CDH20: variants seen among roughly 807,000 people sequenced by gnomAD.
The protein encoded by CDH20 is cadherin-20.
Under a neutral mutation model 74.2 loss-of-function variants are expected in CDH20, and 29 were observed. The ratio of observed to expected loss-of-function variants is 0.39; its 90% CI spans 0.29 to 0.53. The LOEUF (loss-of-function observed/expected upper bound fraction) is 0.53, where lower values mean the gene tolerates loss of function less well. Among genes scored for constraint, CDH20 ranks in the 20% least tolerant of loss-of-function variants. CDH20 has a pLI of 0.69. For missense variants in CDH20, 988 were observed against 1,048.3 expected, an observed-to-expected ratio of 0.94 and a Z score of 0.79; for synonymous variants, 469 against 405.4, an observed-to-expected ratio of 1.16 and a Z score of -1.88.
intron 1 of CDH20, among the ~76,000 whole-genome samples, chr18:61,478,789 TAAG>T (rs889496726): frequency 6.6e-6 from 1 of 152,074 alleles, no homozygotes; most frequent in African/African-American, 2.4e-5. Context: ...ACGGGGGAAG[TAAG>T]AAGACAGCTG....
intron 1 of CDH20, among the ~76,000 whole-genome samples, chr18:61,402,795 T>C (rs1377485817): frequency 6.6e-6 from 1 of 152,212 alleles, no homozygotes; most frequent in Non-Finnish European, 1.5e-5. Flanking sequence ...TATTTTATGT[T>C]TCAATATTGA....
At chr18:61,366,166 C>A (rs72991806) in intron 1 of CDH20, among the ~76,000 whole-genome samples, 1 of 152,118 alleles carries the variant, frequency 6.6e-6, no homozygotes, top group Non-Finnish European at 1.5e-5. Context: ...CTCCTAAATT[C>A]TCTTATCCTA....
intron 1 of CDH20, among the ~76,000 whole-genome samples, chr18:61,478,354 C>T (rs953997211): frequency 2.6e-5 from 4 of 151,846 alleles, no homozygotes; most frequent in African/African-American, 9.7e-5. Context: ...GGACAATAAG[C>T]CCTCGTTTTC....
At chr18:61,442,603 T>C (rs1408509499) in intron 1 of CDH20, among the ~76,000 whole-genome samples, 1 of 152,082 alleles carries the variant, frequency 6.6e-6, no homozygotes, top group East Asian at 1.9e-4. Flanking sequence ...AATGGGAAAA[T>C]GGCATCAAAA....
intron 7 of CDH20, among the ~76,000 whole-genome samples, chr18:61,535,466 A>G (rs1912790159): frequency 6.6e-6 from 1 of 152,198 alleles, no homozygotes; most frequent in African/African-American, 2.4e-5. Flanking sequence ...CTGAGCCTCC[A>G]TCCATATTTA....
chr18:61,500,755 C>T (rs1308898906), intron 4 of CDH20, among the ~76,000 whole-genome samples: 2 of 152,198 alleles, frequency 1.3e-5, no homozygotes, highest in Non-Finnish European at 2.9e-5. Flanking sequence ...CACAAAATAA[C>T]TCCCCAATAG....
chr18:61,347,535 C>T (rs1287201413), intron 1 of CDH20, among the ~76,000 whole-genome samples: 1 of 148,294 alleles, frequency 6.7e-6, no homozygotes, highest in Non-Finnish European at 1.5e-5. Flanking sequence ...AAAAAACAAA[C>T]AAACAAAAAA....
chr18:61,343,857 A>AT (rs1910032573), intron 1 of CDH20, among the ~76,000 whole-genome samples: 1 of 152,148 alleles, frequency 6.6e-6, no homozygotes, highest in Non-Finnish European at 1.5e-5. Context: ...AAGGAAGCAT[A>AT]TTTTATCCCA....
intron 1 of CDH20, among the ~76,000 whole-genome samples, chr18:61,436,517 T>C (rs1436789661): frequency 6.6e-6 from 1 of 152,204 alleles, no homozygotes; most frequent in African/African-American, 2.4e-5. Context: ...CAGTTTTAGA[T>C]ACCTGGATTT....
chr18:61,501,338 T>C (rs1911377831), intron 4 of CDH20, among the ~76,000 whole-genome samples: 1 of 140,828 alleles, frequency 7.1e-6, no homozygotes, highest in Admixed American at 6.9e-5. Flanking sequence ...AAAGTTATTG[T>C]GATATCATTA....
intron 1 of CDH20, among the ~76,000 whole-genome samples, chr18:61,365,697 CT>C (rs1294753014): frequency 2.6e-5 from 4 of 152,080 alleles, no homozygotes; most frequent in African/African-American, 9.7e-5. Flanking sequence ...CTAAAAACTC[CT>C]GTAGTTCTAG....
chr18:61,495,947 T>C (rs1045064035), intron 2 of CDH20, among the ~76,000 whole-genome samples: 1 of 151,888 alleles, frequency 6.6e-6, no homozygotes, highest in African/African-American at 2.4e-5. Context: ...GCTTCCTGCT[T>C]CCCTGGGGCT....
At chr18:61,429,444 T>C (rs1030984143) in intron 1 of CDH20, among the ~76,000 whole-genome samples, 8 of 152,196 alleles carry the variant, frequency 5.3e-5, no homozygotes, top group African/African-American at 1.9e-4. Flanking sequence ...CTTTCAGCTG[T>C]TTATAACCCC....
At chr18:61,442,727 A>C (rs939675318) in intron 1 of CDH20, among the ~76,000 whole-genome samples, 4 of 152,164 alleles carry the variant, frequency 2.6e-5, no homozygotes, top group Admixed American at 2.6e-4. Context: ...TCTTTGTTAC[A>C]AGAAGATCAT....
intron 1 of CDH20, among the ~76,000 whole-genome samples, chr18:61,397,865 T>C (rs75935484): frequency 2.0e-5 from 3 of 152,332 alleles, no homozygotes; most frequent in Non-Finnish European, 4.4e-5. Flanking sequence ...GTAAGTACTA[T>C]AAAGTGTTTA....
chr18:61,362,308 G>A (rs1362111840), intron 1 of CDH20, among the ~76,000 whole-genome samples: 2 of 152,016 alleles, frequency 1.3e-5, no homozygotes, highest in African/African-American at 4.8e-5. Context: ...TTATACATAT[G>A]GAAACATAGA....
At chr18:61,440,682 T>C (rs1306996744) in intron 1 of CDH20, among the ~76,000 whole-genome samples, 2 of 152,142 alleles carry the variant, frequency 1.3e-5, no homozygotes, top group African/African-American at 4.8e-5. Context: ...TCTCAACGTC[T>C]GGGAGCTTGC....
chr18:61,377,121 T>C (rs564253299), intron 1 of CDH20, among the ~76,000 whole-genome samples: 92 of 152,244 alleles, frequency 6.0e-4, no homozygotes, highest in African/African-American at 2.2e-3. Flanking sequence ...CGGTCAAAAC[T>C]GATTCATCCC....
chr18:61,524,919 T>TAA (rs546661097), intron 6 of CDH20, among the ~76,000 whole-genome samples: 2 of 138,826 alleles, frequency 1.4e-5, no homozygotes. Flanking sequence ...AGACGCTGTC[T>TAA]AAAAAAAAAA....
Sources: gnomAD v4.1 joint callset for allele counts (sites outside exome capture counted in the v4.1 genomes callset) on GRCh38, gnomAD v4.1.1 for gene constraint, MANE v1.5 for transcripts, NCBI Gene and HGNC (gene_info 2026-07-23, HGNC 2026-07-21) for gene names.